The following UPF3B variants were observed in gnomAD, a reference collection of about 807,000 sequenced individuals.
UPF3B encodes UPF3B regulator of nonsense mediated mRNA decay, also known as regulator of nonsense transcripts 3B.
Under a neutral mutation model 40.3 loss-of-function variants are expected in UPF3B, and 7 were observed. The observed-to-expected ratio is 0.17, with a 90% confidence interval of 0.10 to 0.33. UPF3B has a LOEUF of 0.33. Ranked by LOEUF, UPF3B falls within the 10% of genes least tolerant of loss-of-function variation. UPF3B has a pLI of 1.00. For synonymous variants in UPF3B, 117 were observed against 117.3 expected (o/e 1.00, Z 0.01); for missense variants, 229 against 358.9 (o/e 0.64, Z 2.93).
rs760765540 is a variant in UPF3B, at chrX:119,836,935, C to A, written c.1302+822G>T. On this transcript the variant is annotated intron_variant, in intron 10 of 10. Transcript: ENST00000276201. ...AAAGTGCTGGGATTACAGGCGTGAG[C>A]CACCGCGCCCGGCCAGTTTTTTTTT... Among the ~76,000 whole-genome samples, 5 of 105,145 alleles carry A rather than the reference C, an allele frequency of 4.8e-5. No homozygotes were observed. The South Asian group carries it at 2.2e-3, about 46-fold the overall frequency. The allele number at this position is 105,145 out of a possible 115,157, so 91.3% of individuals were successfully genotyped here.
Position 119,834,991 on chromosome X carries a change from G to A in UPF3B, c.1339C>T (p.Arg447Ter). The A allele has an allele frequency of 1.7e-6, 2 of 1,211,935 alleles. No homozygotes were observed. Among genetic ancestry groups the A allele is most frequent in the Non-Finnish European group, 2.2e-6 (2 of 895,552 alleles). ...GGGGGACAGAGTCGATTTCGGCTTCGAGCTCCTGGTTGGTAAAGCTGCATC... is the reference window on the plus strand; with the variant it reads ...GGGGGACAGAGTCGATTTCGGCTTCAAGCTCCTGGTTGGTAAAGCTGCATC... ...PAMQLYQPGA[R>*]SRNRLCPPDD... The change falls in exon 11 of 11, where the codon CGA becomes TGA. Residue 447 changes from arginine (R) to a stop codon, truncating the protein, a stop_gained. Coordinates refer to ENST00000276201, the MANE Select transcript of UPF3B (RefSeq NM_080632.3). LOFTEE classifies it high-confidence loss of function.
rs773782126 is a variant in UPF3B, at chrX:119,827,084, C to A, written c.393-4041G>T. On this transcript the variant is annotated intron_variant, in intron 3 of 6. Transcript: ENST00000636792. The stretch of plus-strand genomic sequence containing the variant: ...CACGGCAATGCTCCTGCTTATGCCT[C>A]TCATCAAACAAGAGCAATTTTGAGA... 1.7e-4 allele frequency among the ~76,000 whole-genome samples: 19 copies of A among 112,009 alleles called. No homozygotes were observed. The South Asian group carries it at 7.0e-3, about 41-fold the overall frequency.
intron 3 of UPF3B, among the ~76,000 whole-genome samples, chrX:119,826,228 C>T (rs1055182262): frequency 1.8e-5 from 2 of 109,767 alleles, no homozygotes; most frequent in South Asian, 3.9e-4. Flanking sequence ...TGCCTGTATT[C>T]CCAGCACTTT....
intron 10 of UPF3B, 65 bp from the exon 11 acceptor site, chrX:119,835,092 A>G: frequency 8.6e-7 from 1 of 1,162,102 alleles, no homozygotes; most frequent in Non-Finnish European, 1.2e-6. Flanking sequence ...GGGATTTTTA[A>G]GAGTCATAGT....
At chrX:119,821,287 A>G (rs373504392) in intron 4 of UPF3B, among the ~76,000 whole-genome samples, 1 of 112,270 alleles carries the variant, frequency 8.9e-6, no homozygotes, top group Non-Finnish European at 1.9e-5. Context: ...AGCCTGCAGA[A>G]CTGTGAACCA....
At chrX:119,814,237 AC>A (rs2147754926) in intron 5 of UPF3B, among the ~76,000 whole-genome samples, 1 of 111,648 alleles carries the variant, frequency 9.0e-6, no homozygotes, top group Admixed American at 9.6e-5. Context: ...AGATCATGAG[AC>A]CTAAGATCAA....
chrX:119,809,511 A>G (rs1009152587), intron 5 of UPF3B, among the ~76,000 whole-genome samples: 1 of 112,082 alleles, frequency 8.9e-6, no homozygotes, highest in East Asian at 2.8e-4. Flanking sequence ...ACTTGAGGTC[A>G]GGAGTTTGAT....
intron 5 of UPF3B, among the ~76,000 whole-genome samples, chrX:119,842,359 G>A (rs1324050959): frequency 1.8e-5 from 2 of 110,882 alleles, no homozygotes; most frequent in Non-Finnish European, 3.8e-5. Flanking sequence ...CAAGGCAGGC[G>A]GATCACTTGA....
chrX:119,846,596 A>G (rs1831947997), intron 3 of UPF3B, among the ~76,000 whole-genome samples: 1 of 108,384 alleles, frequency 9.2e-6, no homozygotes, highest in African/African-American at 3.4e-5. Context: ...TGTCAATTAT[A>G]GCTCAATAAA....
intron 5 of UPF3B, among the ~76,000 whole-genome samples, chrX:119,812,873 T>G (rs1342010614): frequency 9.0e-6 from 1 of 111,016 alleles, no homozygotes; most frequent in African/African-American, 3.3e-5. Context: ...TTTCATTAGT[T>G]CACTAATGAA....
intron 3 of UPF3B, among the ~76,000 whole-genome samples, chrX:119,827,732 T>TC (rs1471109081): frequency 8.2e-5 from 9 of 110,120 alleles, no homozygotes; most frequent in African/African-American, 3.0e-4. Flanking sequence ...GGGTTTTTTT[T>TC]CCTCTTCTTT....
At chrX:119,826,165 AAAG>A (rs1363845430) in intron 3 of UPF3B, among the ~76,000 whole-genome samples, 1 of 109,069 alleles carries the variant, frequency 9.2e-6, no homozygotes, top group Non-Finnish European at 1.9e-5. Flanking sequence ...TGTCTCAAAA[AAAG>A]AAAAGGACCA....
chrX:119,807,039 A>G (rs2055797601), intron 6 of UPF3B, among the ~76,000 whole-genome samples: 2 of 98,946 alleles, frequency 2.0e-5, no homozygotes, highest in African/African-American at 4.2e-5. Flanking sequence ...AAAAAAAAAA[A>G]AAAAAAAAAA....
Position 119,834,135 on chromosome X carries a change from T to G in UPF3B, c.*743A>C. 1 of 754,885 alleles carries G rather than the reference T, an allele frequency of 1.3e-6. No individual in the cohort carries two copies. The highest frequency in any genetic ancestry group is 1.6e-6 in the Non-Finnish European group (1 of 639,443). The allele number at this position is 754,885 out of a possible 1,213,427, so 62.2% of individuals were successfully genotyped here. On this transcript the variant is annotated 3_prime_UTR_variant, in exon 11 of 11. Transcript: ENST00000276201. The stretch of plus-strand genomic sequence containing the variant: ...TGCAGTTTCCTTCCTGGAGAGGGTA[T>G]GCACTCAGATCATGAGACCTAAGAT...
chrX:119,813,798 A>C (rs2055842905), intron 5 of UPF3B, among the ~76,000 whole-genome samples: 1 of 110,374 alleles, frequency 9.1e-6, no homozygotes, highest in Admixed American at 9.8e-5. Flanking sequence ...TCCTGACATC[A>C]AGTGGTCATC....
At chrX:119,827,534 G>A (rs1326342061) in intron 3 of UPF3B, among the ~76,000 whole-genome samples, 5 of 110,423 alleles carry the variant, frequency 4.5e-5, no homozygotes, top group African/African-American at 6.6e-5. Flanking sequence ...GAGTAGCTGG[G>A]ACTACAGGTG....
In UPF3B at chrX:119,825,838, G is replaced by T. The variant is rs183819416; in HGVS notation, c.393-2795C>A. 1.1e-3 allele frequency among the ~76,000 whole-genome samples: 122 copies of T among 112,115 alleles called. 1 individual carries two copies. Among genetic ancestry groups the T allele is most frequent in the African/African-American group, 3.9e-3 (120 of 30,945 alleles). ...CAGGACATCCACATCAATTTGCAAG[G>T]AAAGAAATTAATCCTCTTTGTGCCC... On this transcript the variant is annotated intron_variant, in intron 3 of 6. Coordinates refer to the UPF3B transcript ENST00000636792.
At chrX:119,852,200 G>A (rs764682766) in intron 1 of UPF3B, among the ~76,000 whole-genome samples, 1 of 111,597 alleles carries the variant, frequency 9.0e-6, no homozygotes, top group Non-Finnish European at 1.9e-5. Flanking sequence ...AACTTAGTAA[G>A]CCAACGCTGG....
chrX:119,820,450 C>CT (rs1265859553), intron 4 of UPF3B, among the ~76,000 whole-genome samples: 1 of 102,326 alleles, frequency 9.8e-6, no homozygotes, highest in African/African-American at 3.6e-5. Flanking sequence ...CAAGCCCGGC[C>CT]TTTTTTTGGG....
Sources: allele counts gnomAD v4.1 joint callset (sites outside exome capture counted in the v4.1 genomes callset), GRCh38; gene constraint gnomAD v4.1.1; transcripts MANE v1.5; gene names NCBI Gene and HGNC (gene_info 2026-07-23, HGNC 2026-07-21).